The following SPATA13 variants were observed in gnomAD, a reference collection of about 807,000 sequenced individuals.
The protein encoded by SPATA13 is spermatogenesis associated 13.
In SPATA13, 50 loss-of-function variants were observed where a neutral mutation model predicts 104.0. That is an observed-to-expected ratio of 0.48 (90% confidence interval 0.38 to 0.61). SPATA13 has a LOEUF of 0.61. SPATA13 is among the 20% of genes least tolerant of loss of function. The pLI is 0.00. For missense variants in SPATA13, 1,524 were observed against 1,690.6 expected (o/e 0.90, Z 1.73); for synonymous variants, 606 against 667.5 (o/e 0.91, Z 1.42).
At chr13:24,235,654 A>T (rs201291338) in intron 2 of SPATA13, among the ~76,000 whole-genome samples, 1 of 152,168 alleles carries the variant, frequency 6.6e-6, no homozygotes, top group East Asian at 1.9e-4. Context: ...CTACTTAGGA[A>T]GCCAAGGTGG....
intron 2 of SPATA13, among the ~76,000 whole-genome samples, chr13:24,248,391 G>A (rs1183426118): frequency 6.6e-6 from 1 of 152,248 alleles, no homozygotes; most frequent in African/African-American, 2.4e-5. Context: ...TCTTGGGCCA[G>A]ACACAGTGAC....
At position 24,251,719 on chromosome 13, in the gene SPATA13, C is replaced by T. The variant is rs765118612; in HGVS notation, c.2021C>T (p.Pro674Leu). ...TEELDNLLTQPASRPPMPAHQ... is the reference protein window; with the variant it reads ...TEELDNLLTQLASRPPMPAHQ... ...ACAGATTTTGCTTTCTTTTTGCAGC[C>T]GGCTTCCAGGCCGCCCATGCCTGCT... The change falls in exon 4 of 13, where the codon CCG becomes CTG. Residue 674 changes from proline (P) to leucine (L), a missense_variant and splice_region_variant. By Grantham distance (98) the Pro-to-Leu change is moderately conservative (BLOSUM62 -3). This residue lies in a region of SPATA13 where 1,089 missense variants were observed against 1,135.9 expected (regional missense o/e 0.96). Transcript: ENST00000382108. The T allele has an allele frequency of 3.4e-5, 55 of 1,613,032 alleles. No homozygotes were observed. Among genetic ancestry groups the T allele is most frequent in the Admixed American group, 6.7e-5 (4 of 59,822 alleles).
chr13:24,113,046 C>G (rs1484181726), intron 3 of SPATA13, among the ~76,000 whole-genome samples: 1 of 152,198 alleles, frequency 6.6e-6, no homozygotes, highest in Non-Finnish European at 1.5e-5. Context: ...TAGCCTCCCC[C>G]AGAAACTAGA....
At chr13:24,302,459 C>CAAAAAA (rs71070678) in intron 12 of SPATA13, 139 bp from the exon 13 acceptor site, 38 of 194,094 alleles carry the variant, frequency 2.0e-4, no homozygotes, top group Non-Finnish European at 2.6e-4. Context: ...GACCCTGTCT[C>CAAAAAA]AAAAAAAAAA....
chr13:24,067,934 C>T (rs1273460435), intron 3 of SPATA13, among the ~76,000 whole-genome samples: 2 of 152,116 alleles, frequency 1.3e-5, no homozygotes, highest in Admixed American at 6.5e-5. Context: ...GAACTCCTGA[C>T]CTCAGGTGAT....
At position 24,223,030 on chromosome 13, in the gene SPATA13, C is replaced by T. The variant is rs916480030; in HGVS notation, c.101C>T (p.Ser34Leu). The T allele has an allele frequency of 2.2e-5, 34 of 1,551,560 alleles. No homozygotes were observed. The highest frequency in any genetic ancestry group is 2.0e-5 in the Non-Finnish European group (23 of 1,146,978). Residue 34 changes from serine (S) to leucine (L), a missense_variant, in exon 2 of 13, where the codon TCG becomes TTG. Transcript: ENST00000382108. Reference protein sequence around the residue: ...GPGPAAPCAGSDLKDAKMVTS... With the variant: ...GPGPAAPCAGLDLKDAKMVTS... ...GGCCCCGCAGCCCCCTGTGCAGGCT[C>T]GGACCTGAAAGACGCCAAGATGGTG...
chr13:24,214,037 A>C (rs1310793111), intron 1 of SPATA13, among the ~76,000 whole-genome samples: 1 of 152,236 alleles, frequency 6.6e-6, no homozygotes, highest in Non-Finnish European at 1.5e-5. Flanking sequence ...CTTTGGGAAA[A>C]GCGATCACCT....
At chr13:23,989,623 G>T (rs894208257) in intron 2 of SPATA13, among the ~76,000 whole-genome samples, 1 of 152,052 alleles carries the variant, frequency 6.6e-6, no homozygotes, top group African/African-American at 2.4e-5. Flanking sequence ...ACAGAGTAAC[G>T]TCCCAGTTCC....
chr13:24,116,779 C>T (rs551045619), intron 3 of SPATA13, among the ~76,000 whole-genome samples: 36 of 151,484 alleles, frequency 2.4e-4, no homozygotes, highest in African/African-American at 6.5e-4. Flanking sequence ...GCCCCCCCCC[C>T]CCAATGTGCT....
At chr13:24,017,638 C>G (rs1329014103) in intron 2 of SPATA13, 1 of 984,956 alleles carries the variant, frequency 1.0e-6, no homozygotes, top group Non-Finnish European at 1.2e-6. Context: ...CATCTGTGCA[C>G]TAAAACAACT....
chr13:24,176,560 C>T (rs1233277612), intron 1 of SPATA13, among the ~76,000 whole-genome samples: 1 of 151,920 alleles, frequency 6.6e-6, no homozygotes, highest in East Asian at 1.9e-4. Flanking sequence ...TTAATGGGAC[C>T]AGGCAAGTCC....
Position 24,249,610 on chromosome 13 carries a change from T to A in SPATA13, c.1787T>A (p.Leu596Gln). ...RPRPFSDYGQ[L>Q]ASRSLSIPED... ...CGGCCATTCTCTGACTACGGCCAGC[T>A]GGCCAGCCGCAGTTTGTCTATTCCT... is the stretch of plus-strand genomic sequence containing the variant. Residue 596 changes from leucine to glutamine, a missense_variant, in exon 3 of 13, where the codon CTG (leucine) becomes CAG (glutamine). Coordinates refer to ENST00000382108, the MANE Select transcript of SPATA13 (RefSeq NM_001166271.3). The A allele has an allele frequency of 1.2e-6, 2 of 1,613,940 alleles. No homozygotes were observed. The highest frequency in any genetic ancestry group is 1.7e-6 in the Non-Finnish European group (2 of 1,179,882).
chr13:24,096,856 G>A (rs1461356246), intron 3 of SPATA13, among the ~76,000 whole-genome samples: 1 of 152,228 alleles, frequency 6.6e-6, no homozygotes, highest in African/African-American at 2.4e-5. Context: ...ATTTCAGGCT[G>A]TGGAGGCCAC....
At chr13:24,129,264 G>A (rs2137833062) in intron 3 of SPATA13, among the ~76,000 whole-genome samples, 1 of 152,314 alleles carries the variant, frequency 6.6e-6, no homozygotes, top group East Asian at 1.9e-4. Context: ...ATCAAAGTCT[G>A]AGTACAGCGT....
At chr13:24,103,134 T>C (rs1880310913) in intron 3 of SPATA13, among the ~76,000 whole-genome samples, 1 of 152,162 alleles carries the variant, frequency 6.6e-6, no homozygotes, top group African/African-American at 2.4e-5. Context: ...CAGAAGAATC[T>C]CATGAACTTC....
At position 24,072,825 on chromosome 13, in the gene SPATA13, C is replaced by CTTTTTT. The variant is rs11353469; in HGVS notation, c.-112+55137_-112+55142dup. Among the ~76,000 whole-genome samples the CTTTTTT allele has an allele frequency of 2.4e-3, 295 of 120,636 alleles. 16 individuals are homozygous for CTTTTTT. The East Asian group carries it at 0.031, about 13-fold the overall frequency. The allele number at this position is 120,636 out of a possible 152,430, so 79.1% of individuals were successfully genotyped here. A position where few individuals can be genotyped will look rare whatever the true frequency, so the allele number is the denominator to read the frequency against. ...CCTCCTCAGTGTCTACTGTTGGCTC[C>CTTTTTT]TTTTTTTTTTTTTTTTTTACATCCC... is the stretch of plus-strand genomic sequence containing the variant. On this transcript the variant is annotated intron_variant, in intron 3 of 14. Coordinates refer to the SPATA13 transcript ENST00000424834.
intron 1 of SPATA13, among the ~76,000 whole-genome samples, chr13:24,178,900 C>T (rs910576936): frequency 5.3e-5 from 8 of 152,178 alleles, no homozygotes; most frequent in East Asian, 1.9e-4. Flanking sequence ...TCATCCCCTC[C>T]GAAAGGAAAC....
chr13:24,224,874 G>A, intron 2 of SPATA13: 1 of 461,274 alleles, frequency 2.2e-6, no homozygotes, highest in Non-Finnish European at 4.0e-6. Flanking sequence ...CTAGATTCTG[G>A]GGGAAAAAAA....
At chr13:24,147,224 C>T (rs567067628) in intron 3 of SPATA13, among the ~76,000 whole-genome samples, 3 of 152,158 alleles carry the variant, frequency 2.0e-5, no homozygotes, top group East Asian at 1.9e-4. Context: ...ATGCATGTCT[C>T]GTACTTTAGG....
Sources: gnomAD v4.1 joint callset for allele counts (sites outside exome capture counted in the v4.1 genomes callset) on GRCh38, gnomAD v4.1.1 for gene constraint, gnomAD v4.1.1 regional missense constraint, MANE v1.5 for transcripts, NCBI Gene and HGNC (gene_info 2026-07-23, HGNC 2026-07-21) for gene names.